KANK1: variants seen among roughly 807,000 people sequenced by gnomAD.
The protein encoded by KANK1 is KN motif and ankyrin repeat domains 1.
In KANK1, 109 loss-of-function variants were observed where a neutral mutation model predicts 106.2. The observed-to-expected ratio is 1.03, with a 90% CI of 0.88 to 1.20. The LOEUF is 1.20. KANK1 is among the 50% of genes most tolerant of loss of function. The pLI is 0.00. For synonymous variants in KANK1, 873 were observed against 652.2 expected (o/e 1.34, Z -5.16); for missense variants, 2,399 against 1,710.7 (o/e 1.40, Z -7.10).
intron 1 of KANK1, among the ~76,000 whole-genome samples, chr9:650,730 C>T (rs542490935): frequency 2.0e-5 from 3 of 151,836 alleles, no homozygotes; most frequent in East Asian, 3.9e-4. Context: ...GTATTGTCCC[C>T]GGTCTCTTTA....
rs139349353 is a variant in KANK1 at position 480,912 on chromosome 9, C to G, written c.-362+7639C>G. Among the ~76,000 whole-genome samples, 850 of 152,314 alleles carry G rather than the reference C, an allele frequency of 5.6e-3. 12 individuals carry two copies. The highest frequency in any genetic ancestry group is 0.02 in the African/African-American group (812 of 41,564). ...GAGGCACAGCCCACCTAAAGACATT[C>G]AAATTTGGTACAGATGCTTCTTGGC... is the stretch of plus-strand genomic sequence containing the variant. On this transcript the variant is annotated intron_variant, in intron 3 of 15. Transcript: ENST00000382303.
intron 1 of KANK1, among the ~76,000 whole-genome samples, chr9:673,084 T>G (rs185448110): frequency 1.3e-5 from 2 of 152,002 alleles, no homozygotes; most frequent in Admixed American, 6.5e-5. Context: ...GAATGAGCAC[T>G]CACAATTTGA....
At chr9:664,274 C>T (rs922453577) in intron 1 of KANK1, among the ~76,000 whole-genome samples, 5 of 152,126 alleles carry the variant, frequency 3.3e-5, no homozygotes, top group African/African-American at 9.7e-5. Context: ...TCTCTATCCT[C>T]ATGAGATTCA....
At chr9:578,701 T>C (rs1409099067) in intron 1 of KANK1, among the ~76,000 whole-genome samples, 1 of 152,190 alleles carries the variant, frequency 6.6e-6, no homozygotes, top group Non-Finnish European at 1.5e-5. Context: ...TAACCATTAC[T>C]AAGTTGGACT....
intron 1 of KANK1, among the ~76,000 whole-genome samples, chr9:559,601 A>G (rs1815840360): frequency 6.6e-6 from 1 of 152,198 alleles, no homozygotes; most frequent in Non-Finnish European, 1.5e-5. Context: ...AGTGCATAAT[A>G]ATTTCTGATT....
chr9:586,432 T>TA (rs1823485498), intron 1 of KANK1, among the ~76,000 whole-genome samples: 1 of 152,106 alleles, frequency 6.6e-6, no homozygotes, highest in South Asian at 2.1e-4. Context: ...GGAAGTTGGG[T>TA]TCAGCAGTGT....
At chr9:614,950 T>G (rs902214428) in intron 1 of KANK1, among the ~76,000 whole-genome samples, 1 of 150,774 alleles carries the variant, frequency 6.6e-6, no homozygotes, top group Non-Finnish European at 1.5e-5. Flanking sequence ...ATGGTACCCA[T>G]CCCCCCCCTG....
At chr9:664,747 C>G (rs7042833) in intron 1 of KANK1, among the ~76,000 whole-genome samples, 1 of 152,066 alleles carries the variant, frequency 6.6e-6, no homozygotes, top group Non-Finnish European at 1.5e-5. Context: ...TGAGGAACCT[C>G]TGAAGTGTTT....
Position 626,164 on chromosome 9 carries a change from A to G in KANK1, c.-83-50726A>G, listed in dbSNP as rs541485389. 8.5e-5 allele frequency among the ~76,000 whole-genome samples: 13 copies of G among 152,288 alleles called. No homozygotes were observed. The South Asian group carries it at 2.1e-3, about 24-fold the overall frequency. The stretch of plus-strand genomic sequence containing the variant: ...CAACTGTATTTTAAGTATTTTATGT[A>G]CTGTAAAAGCATTGTGCGTCCGGGT... On this transcript the variant is annotated intron_variant, in intron 1 of 11. Transcript: ENST00000382297.
chr9:712,919 C>G lies in KANK1; in HGVS notation c.2153C>G (p.Ala718Gly), dbSNP rs748758469. ...CAGACTGTGGAGACGCGGACAGTAG[C>G]TGTAGGAGAAGGCCGTGTCAAGGAC... ...STQTVETRTV[A>G]VGEGRVKDIN... The change falls in exon 3 of 12, where the codon GCT (alanine) becomes GGT (glycine). Residue 718 changes from alanine (A) to glycine (G), a missense_variant. By Grantham distance (60) the Ala-to-Gly change is moderately conservative (BLOSUM62 0). Transcript: ENST00000382297. 5 of 1,614,138 alleles carry G rather than the reference C, an allele frequency of 3.1e-6. No individual in the cohort carries two copies. The Admixed American group carries it at 8.3e-5, about 27-fold the overall frequency.
At chr9:555,219 C>T (rs1209536037) in intron 1 of KANK1, among the ~76,000 whole-genome samples, 1 of 152,162 alleles carries the variant, frequency 6.6e-6, no homozygotes, top group African/African-American at 2.4e-5. Context: ...TATACCACGT[C>T]AGTAATCCAA....
intron 1 of KANK1, among the ~76,000 whole-genome samples, chr9:556,301 G>C (rs2061578558): frequency 6.6e-6 from 1 of 152,016 alleles, no homozygotes. Flanking sequence ...CTCTGTATGT[G>C]TCTGTATCTG....
intron 2 of KANK1, chr9:707,017 G>C: frequency 3.0e-6 from 3 of 985,494 alleles, no homozygotes; most frequent in Non-Finnish European, 3.6e-6. Flanking sequence ...AGAAAACAGG[G>C]AATGCGGAAC....
At chr9:687,151 C>G (rs919768867) in intron 2 of KANK1, among the ~76,000 whole-genome samples, 2 of 152,032 alleles carry the variant, frequency 1.3e-5, no homozygotes, top group African/African-American at 4.8e-5. Context: ...TTCAGTGGCT[C>G]ACTTTTAAAT....
intron 8 of KANK1, 23 bp from the exon 9 acceptor site, chr9:740,769 C>T (rs1835235613): frequency 1.3e-6 from 2 of 1,505,424 alleles, no homozygotes; most frequent in Non-Finnish European, 1.8e-6. Flanking sequence ...TCCTAAGAGA[C>T]TTTTTTTTTT....
chr9:522,388 C>A (rs961562042), intron 1 of KANK1, among the ~76,000 whole-genome samples: 1 of 151,704 alleles, frequency 6.6e-6, no homozygotes, highest in Non-Finnish European at 1.5e-5. Flanking sequence ...CACATACACA[C>A]AGCTGGATAG....
chr9:574,538 G>A (rs1820038752), intron 1 of KANK1, among the ~76,000 whole-genome samples: 1 of 152,140 alleles, frequency 6.6e-6, no homozygotes, highest in East Asian at 1.9e-4. Context: ...CAGGGAGGAA[G>A]CCTTTTTATT....
chr9:735,470 G>A (rs146429307), intron 7 of KANK1, among the ~76,000 whole-genome samples: 14 of 152,328 alleles, frequency 9.2e-5, no homozygotes, highest in African/African-American at 3.1e-4. Context: ...GGCCAAGAAT[G>A]ACATATTCTC....
intron 3 of KANK1, among the ~76,000 whole-genome samples, chr9:492,881 G>A (rs981118450): frequency 2.0e-5 from 3 of 151,902 alleles, no homozygotes; most frequent in East Asian, 1.9e-4. Context: ...AAAATTAGCC[G>A]GGCGTGGTGA....
Sources: allele counts gnomAD v4.1 joint callset (sites outside exome capture counted in the v4.1 genomes callset), GRCh38; gene constraint gnomAD v4.1.1; transcripts MANE v1.5; gene names NCBI Gene and HGNC (gene_info 2026-07-23, HGNC 2026-07-21).